Variants in DPEP1 observed in about 807,000 individuals in gnomAD.
DPEP1 encodes the protein dipeptidase 1.
In DPEP1, 50 loss-of-function variants were observed where a neutral mutation model predicts 42.3. That is an observed-to-expected ratio of 1.18 (90% CI 0.94 to 1.50). The LOEUF is 1.50. Among genes scored for constraint, DPEP1 ranks in the 40% most tolerant of loss-of-function variants. The pLI is 0.00. For missense variants in DPEP1, 663 were observed against 553.0 expected (o/e 1.20, Z -1.99); for synonymous variants, 297 against 234.0 (o/e 1.27, Z -2.46).
chr16:89,621,863 C>G (rs998242049), intron 1 of DPEP1, among the ~76,000 whole-genome samples: 3 of 152,182 alleles, frequency 2.0e-5, no homozygotes, highest in African/African-American at 7.2e-5. Context: ...CTGCGATGAT[C>G]TGTGTGTGGG....
intron 1 of DPEP1, among the ~76,000 whole-genome samples, chr16:89,626,115 T>A (rs2059508046): frequency 6.6e-6 from 1 of 152,172 alleles, no homozygotes; most frequent in African/African-American, 2.4e-5. Context: ...GCCCTGAGAT[T>A]CTTGCGATGT....
chr16:89,615,798 C>T (rs1196087517), intron 1 of DPEP1, among the ~76,000 whole-genome samples: 1 of 152,176 alleles, frequency 6.6e-6, no homozygotes, highest in East Asian at 1.9e-4. Flanking sequence ...ACACGGGGGC[C>T]CCGGGGTCCT....
intron 1 of DPEP1, among the ~76,000 whole-genome samples, chr16:89,614,702 G>A (rs1225726546): frequency 1.3e-5 from 2 of 152,250 alleles, no homozygotes; most frequent in Admixed American, 6.5e-5. Flanking sequence ...GGCTGAAGCA[G>A]GAGAATGGCG....
chr16:89,638,709 C>CA (rs2059715976), downstream of DPEP1, among the ~76,000 whole-genome samples: 1 of 121,232 alleles, frequency 8.2e-6, no homozygotes, highest in Non-Finnish European at 1.8e-5. Context: ...CACACACACA[C>CA]CGCACCCCTG....
At position 89,635,810 on chromosome 16, in the gene DPEP1, G is replaced by A; in HGVS notation, c.105-98G>A. 3 of 1,447,008 alleles carry A rather than the reference G, an allele frequency of 2.1e-6. No individual in the cohort carries two copies. The South Asian group carries it at 4.2e-5, about 20-fold the overall frequency. The allele number at this position is 1,447,008 out of a possible 1,614,324, so 89.6% of individuals were successfully genotyped here. On this transcript the variant is annotated intron_variant, in intron 2 of 10. Coordinates refer to ENST00000690203, the MANE Select transcript of DPEP1 (RefSeq NM_001389466.1). ...TTCAGTCCTGCGTCTGTCGTGAGGA[G>A]TAGGAAGTGGGGAGAGCAGCCCAGA...
In DPEP1 at chr16:89,629,516, C is replaced by G. The variant is rs868518267; in HGVS notation, c.-106-789C>G. On this transcript the variant is annotated intron_variant, in intron 1 of 10. Transcript: ENST00000690203. ...CCCTGCCGGGCTCCCCCCACCCCCC[C>G]CCGAAGCCTCTGACCAGTTTTCCCT... Among the ~76,000 whole-genome samples, 520 of 151,454 alleles carry G rather than the reference C, an allele frequency of 3.4e-3. 9 individuals carry two copies. The highest frequency in any genetic ancestry group is 0.011 in the African/African-American group (457 of 41,254).
chr16:89,626,188 G>A (rs780573348), intron 1 of DPEP1, among the ~76,000 whole-genome samples: 8 of 152,140 alleles, frequency 5.3e-5, no homozygotes, highest in Admixed American at 1.3e-4. Context: ...TGAGTGATGC[G>A]GTTTGGTTCT....
chr16:89,637,596 C>T (rs763541517), intron 8 of DPEP1, 36 bp from the exon 9 acceptor site: 1 of 1,612,714 alleles, frequency 6.2e-7, no homozygotes, highest in Non-Finnish European at 8.5e-7. Context: ...GGGGGAGGGC[C>T]TCACTCGGGA....
At position 89,628,881 on chromosome 16, in the gene DPEP1, C is replaced by T. The variant is rs374840299; in HGVS notation, c.-106-1424C>T. Among the ~76,000 whole-genome samples, 8 of 152,148 alleles carry T rather than the reference C, an allele frequency of 5.3e-5. No homozygotes were observed. The East Asian group carries it at 7.8e-4, about 15-fold the overall frequency. On this transcript the variant is annotated intron_variant, in intron 1 of 10. Coordinates refer to ENST00000690203, the MANE Select transcript of DPEP1 (RefSeq NM_001389466.1). ...TTGATCTGTTGCCCAGGCTGAAGTG[C>T]AGTGGCATGATCTTGGCTCACAGCA...
chr16:89,639,371 A>C (rs1479997736), downstream of DPEP1, among the ~76,000 whole-genome samples: 1 of 5,742 alleles, frequency 1.7e-4, no homozygotes. Flanking sequence ...CCCTGCACAC[A>C]CCCCACCCCT....
Position 89,632,791 on chromosome 16 carries a change from C to T in DPEP1, c.104+2277C>T, listed in dbSNP as rs960879245. Reference sequence around the variant, plus strand: ...GGAGAGGGCTGGCGGGGCACAGTGGCTCACAGGTGTGGTCCCAGCACTTTG... The same window carrying T: ...GGAGAGGGCTGGCGGGGCACAGTGGTTCACAGGTGTGGTCCCAGCACTTTG... On this transcript the variant is annotated intron_variant, in intron 2 of 10. Coordinates refer to ENST00000690203, the MANE Select transcript of DPEP1 (RefSeq NM_001389466.1). Among the ~76,000 whole-genome samples the T allele has an allele frequency of 7.9e-4, 120 of 152,142 alleles. 2 individuals are homozygous for T. Among genetic ancestry groups the T allele is most frequent in the Non-Finnish European group, 2.5e-4 (17 of 68,028 alleles).
rs528228822 is a variant in DPEP1, at chr16:89,618,259, C to A, written c.-107+4540C>A. Among the ~76,000 whole-genome samples the A allele has an allele frequency of 7.9e-5, 12 of 152,184 alleles. No homozygotes were observed. The South Asian group carries it at 2.5e-3, about 32-fold the overall frequency. On this transcript the variant is annotated intron_variant, in intron 1 of 10. Transcript: ENST00000690203. Reference sequence around the variant, plus strand: ...CTTGACAAGGTCTTGCTCTGTCACCCGGGCTGGAGTGCAGTGGTAGGATCA... The same window carrying A: ...CTTGACAAGGTCTTGCTCTGTCACCAGGGCTGGAGTGCAGTGGTAGGATCA...
upstream of DPEP1, chr16:89,613,593 C>T (rs975998910): frequency 1.3e-5 from 2 of 152,408 alleles, no homozygotes; most frequent in Admixed American, 1.3e-4. Flanking sequence ...GGCAGTTTCA[C>T]CTTCCTGAGG....
Position 89,638,087 on chromosome 16 carries a change from C to T in DPEP1, c.1101C>T (p.Pro367=). The change falls in exon 11 of 11, where the codon CCC becomes CCT. Residue 367 remains proline, a synonymous_variant. Coordinates refer to ENST00000690203, the MANE Select transcript of DPEP1 (RefSeq NM_001389466.1). ...TCACACAGGCTCCCGAGGAGGAGCCCATCCCGCTGGACCAGCTGGGTGGCT... is the reference window on the plus strand; with the variant it reads ...TCACACAGGCTCCCGAGGAGGAGCCTATCCCGCTGGACCAGCTGGGTGGCT... ...SNLTQAPEEE[P]IPLDQLGGSC... The T allele has an allele frequency of 6.2e-7, 1 of 1,612,332 alleles. No homozygotes were observed. The highest frequency in any genetic ancestry group is 8.5e-7 in the Non-Finnish European group (1 of 1,179,858).
At chr16:89,633,798 A>C (rs1004022953) in intron 2 of DPEP1, among the ~76,000 whole-genome samples, 5 of 103,176 alleles carry the variant, frequency 4.8e-5, no homozygotes, top group East Asian at 4.0e-4. Context: ...AGGCACAGGG[A>C]TGGGTCTGGA....
intron 1 of DPEP1, among the ~76,000 whole-genome samples, 168 bp downstream of exon 1, chr16:89,613,887 C>A (rs1221704333): frequency 8.6e-6 from 1 of 116,202 alleles, no homozygotes; most frequent in African/African-American, 3.4e-5. Context: ...CAGGTGTGTG[C>A]GGCAGGGGAC....
At chr16:89,630,056 C>G (rs1402598791) in intron 1 of DPEP1, among the ~76,000 whole-genome samples, 1 of 152,170 alleles carries the variant, frequency 6.6e-6, no homozygotes. Flanking sequence ...CACCACTCAT[C>G]TGGGCCTGCT....
chr16:89,633,155 C>T (rs532770923), intron 2 of DPEP1, among the ~76,000 whole-genome samples: 10 of 152,178 alleles, frequency 6.6e-5, no homozygotes, highest in Non-Finnish European at 1.5e-4. Flanking sequence ...TTGCACCTAG[C>T]GATGAGGCTG....
Position 89,638,039 on chromosome 16 carries a change from T to C in DPEP1, c.1066-13T>C. ...GCAGGCAGGCTGCCCCACCCGTGTC[T>C]GTCTGTCCCCAGGCCAGCAACCTCA... On this transcript the variant is annotated splice_polypyrimidine_tract_variant and intron_variant, in intron 10 of 10. Coordinates refer to ENST00000690203, the MANE Select transcript of DPEP1 (RefSeq NM_001389466.1). 4 of 1,611,674 alleles carry C rather than the reference T, an allele frequency of 2.5e-6. No homozygotes were observed. Among genetic ancestry groups the C allele is most frequent in the Non-Finnish European group, 3.4e-6 (4 of 1,179,524 alleles).
Sources: allele counts gnomAD v4.1 joint callset (sites outside exome capture counted in the v4.1 genomes callset), GRCh38; gene constraint gnomAD v4.1.1; transcripts MANE v1.5; gene names NCBI Gene and HGNC (gene_info 2026-07-23, HGNC 2026-07-21).